Variants in PTPRE observed in about 807,000 individuals in gnomAD.
PTPRE encodes the protein receptor-type tyrosine-protein phosphatase epsilon.
PTPRE carries 51 observed loss-of-function variants against 102.0 expected under a neutral mutation model. The ratio of observed to expected loss-of-function variants is 0.50; its 90% confidence interval spans 0.40 to 0.63. The LOEUF (loss-of-function observed/expected upper bound fraction) is 0.63, where lower values mean the gene tolerates loss of function less well. Ranked by LOEUF, PTPRE falls within the 30% of genes least tolerant of loss-of-function variation. The pLI is 0.00. For missense variants in PTPRE, 752 were observed against 915.1 expected (o/e 0.82, Z 2.30); for synonymous variants, 345 against 348.2 (o/e 0.99, Z 0.10).
In PTPRE at chr10:128,060,209, CCA is replaced by C. The variant is rs562143620; in HGVS notation, c.512-720_512-719del. 4.8e-3 allele frequency among the ~76,000 whole-genome samples: 717 copies of C among 150,158 alleles called. 3 individuals carry two copies. Among genetic ancestry groups the C allele is most frequent in the South Asian group, 7.4e-3 (35 of 4,706 alleles). On this transcript the variant is annotated intron_variant, in intron 7 of 20. Transcript: ENST00000254667. ...ACACTACACACATGCACCATACACA[CCA>C]CACACACACCACACATTACACACAT...
chr10:128,055,928 T>C (rs1848924320), intron 6 of PTPRE, among the ~76,000 whole-genome samples, 195 bp from the exon 7 acceptor site: 1 of 152,210 alleles, frequency 6.6e-6, no homozygotes. Context: ...AAGAGCACCC[T>C]GGGGAAAGCC....
At chr10:128,006,879 A>G (rs1854608070) in intron 2 of PTPRE, among the ~76,000 whole-genome samples, 1 of 152,084 alleles carries the variant, frequency 6.6e-6, no homozygotes, top group Admixed American at 6.5e-5. Flanking sequence ...CCCCATTGTC[A>G]CTGAATTTCA....
intron 1 of PTPRE, among the ~76,000 whole-genome samples, chr10:127,970,215 A>T (rs983812251): frequency 6.6e-6 from 1 of 152,188 alleles, no homozygotes; most frequent in Middle Eastern, 3.2e-3. Flanking sequence ...GGGACACCCC[A>T]CAATGATGAG....
Position 128,070,592 on chromosome 10 carries a change from T to C in PTPRE, c.1293+142T>C. 1 of 1,258,226 alleles carries C rather than the reference T, an allele frequency of 7.9e-7. No homozygotes were observed. The highest frequency in any genetic ancestry group is 1.1e-6 in the Non-Finnish European group (1 of 925,452). 77.9% of individuals were successfully genotyped at this position (1,258,226 alleles called of 1,614,324 possible). A position where few individuals can be genotyped will look rare whatever the true frequency, so the allele number is the denominator to read the frequency against. On this transcript the variant is annotated intron_variant, in intron 14 of 20. Transcript: ENST00000254667. The surrounding 1 kb of genome is among the most constrained non-coding windows in gnomAD (Gnocchi z 4.8). ...AAAAGCAGGGGCAATACCTGAGCCA[T>C]GATTTACAAGGGAAGAAGGATCAGG...
At chr10:127,995,916 G>A (rs961086700) in intron 2 of PTPRE, among the ~76,000 whole-genome samples, 7 of 152,138 alleles carry the variant, frequency 4.6e-5, no homozygotes, top group Admixed American at 3.9e-4. Flanking sequence ...TTTGTAAAGG[G>A]TGCATTAGCG....
At chr10:128,062,045 G>T (rs1171030189) in intron 9 of PTPRE, among the ~76,000 whole-genome samples, 1 of 152,202 alleles carries the variant, frequency 6.6e-6, no homozygotes, top group Non-Finnish European at 1.5e-5. Context: ...GGTTAGTGGG[G>T]TGAATAGCTT....
chr10:128,030,610 C>T (rs1846663222), intron 2 of PTPRE, among the ~76,000 whole-genome samples: 1 of 152,210 alleles, frequency 6.6e-6, no homozygotes, highest in African/African-American at 2.4e-5. Context: ...TCTGTGGCAG[C>T]TCTGAGAAGG....
At chr10:127,919,006 A>G (rs1389669373) in intron 1 of PTPRE, among the ~76,000 whole-genome samples, 1 of 152,186 alleles carries the variant, frequency 6.6e-6, no homozygotes, top group South Asian at 2.1e-4. Context: ...AGTCTATTAT[A>G]GGAGTTGTAG....
intron 1 of PTPRE, among the ~76,000 whole-genome samples, chr10:127,949,863 A>G (rs908818736): frequency 1.3e-5 from 2 of 152,158 alleles, no homozygotes; most frequent in Non-Finnish European, 2.9e-5. Context: ...TGATGAGGCT[A>G]GAGACATTGA....
At chr10:127,986,996 G>A (rs1019524496) in intron 2 of PTPRE, among the ~76,000 whole-genome samples, 4 of 152,286 alleles carry the variant, frequency 2.6e-5, no homozygotes, top group East Asian at 1.9e-4. Context: ...AAGCCACAGC[G>A]ACAAATTATT....
At chr10:128,069,906 C>G in intron 13 of PTPRE, 79 bp downstream of exon 13, 1 of 1,601,224 alleles carries the variant, frequency 6.2e-7, no homozygotes, top group African/African-American at 1.3e-5. Flanking sequence ...TGTGCAGGGC[C>G]CTGGCTCTGA....
intron 2 of PTPRE, among the ~76,000 whole-genome samples, chr10:128,033,722 G>A (rs1003755554): frequency 5.9e-5 from 9 of 152,202 alleles, no homozygotes; most frequent in Non-Finnish European, 1.2e-4. Flanking sequence ...TCGGCTCATT[G>A]CAACCTCCGC....
intron 1 of PTPRE, among the ~76,000 whole-genome samples, chr10:127,916,084 A>C (rs1004768771): frequency 1.9e-4 from 29 of 151,832 alleles, no homozygotes; most frequent in African/African-American, 6.5e-4. Context: ...AGGGAGTGTT[A>C]AATGTGATGC....
At chr10:127,967,439 A>T (rs547595914) in intron 1 of PTPRE, among the ~76,000 whole-genome samples, 53 of 152,090 alleles carry the variant, frequency 3.5e-4, no homozygotes, top group Non-Finnish European at 7.6e-4. Context: ...TTCTCACGAG[A>T]TCTGATGGTT....
At chr10:128,032,653 G>A (rs1846869484) in intron 2 of PTPRE, among the ~76,000 whole-genome samples, 1 of 152,216 alleles carries the variant, frequency 6.6e-6, no homozygotes, top group African/African-American at 2.4e-5. Context: ...TTCAGGGTTG[G>A]GACTCTTGCT....
At chr10:128,069,889 A>G (rs1290322748) in intron 13 of PTPRE, 62 bp downstream of exon 13, 3 of 1,611,864 alleles carry the variant, frequency 1.9e-6, no homozygotes, top group East Asian at 2.2e-5. Context: ...TGCCTTCGCC[A>G]CACAGGTGTG....
chr10:128,079,464 C>T, intron 19 of PTPRE, 96 bp from the exon 20 acceptor site: 1 of 1,445,144 alleles, frequency 6.9e-7, no homozygotes, highest in African/African-American at 1.4e-5. Flanking sequence ...GCGATTGTTG[C>T]TTCAGTGCTG....
chr10:127,973,003 A>T (rs1268756948), intron 1 of PTPRE, among the ~76,000 whole-genome samples: 1 of 152,236 alleles, frequency 6.6e-6, no homozygotes, highest in Non-Finnish European at 1.5e-5. Context: ...AGAATGATGG[A>T]TGCACTGCTT....
intron 1 of PTPRE, among the ~76,000 whole-genome samples, chr10:127,932,438 G>A (rs749912689): frequency 6.6e-6 from 1 of 152,208 alleles, no homozygotes; most frequent in Non-Finnish European, 1.5e-5. Context: ...TATGTGTACA[G>A]TTCTTCTGGG....
Sources: allele counts gnomAD v4.1 joint callset (sites outside exome capture counted in the v4.1 genomes callset), GRCh38; gene constraint gnomAD v4.1.1; non-coding constraint Gnocchi (gnomAD v3.1); transcripts MANE v1.5; gene names NCBI Gene and HGNC (gene_info 2026-07-23, HGNC 2026-07-21).